The following TBL1X variants were observed in gnomAD, a reference collection of about 807,000 sequenced individuals.
TBL1X encodes transducin beta like 1 X-linked.
Under a neutral mutation model 50.7 loss-of-function variants are expected in TBL1X, and 10 were observed. The observed-to-expected ratio is 0.20, with a 90% confidence interval of 0.12 to 0.33. The LOEUF is 0.33. Ranked by LOEUF, TBL1X falls within the 10% of genes least tolerant of loss-of-function variation. The probability of loss-of-function intolerance (pLI) is 1.00; values close to 1 mark genes in which losing one functional copy is unlikely to be tolerated. For synonymous variants in TBL1X, 190 were observed against 214.7 expected (o/e 0.88, Z 1.01); for missense variants, 340 against 504.4 (o/e 0.67, Z 3.12).
chrX:9,638,475 C>A (rs1420935592), intron 2 of TBL1X, among the ~76,000 whole-genome samples: 1 of 111,899 alleles, frequency 8.9e-6, no homozygotes, highest in East Asian at 2.8e-4. Flanking sequence ...GTTTCATAAC[C>A]AGAAGAATGT....
At chrX:9,652,203 A>G (rs149953857) in intron 3 of TBL1X, among the ~76,000 whole-genome samples, 2 of 112,225 alleles carry the variant, frequency 1.8e-5, no homozygotes, top group African/African-American at 3.2e-5. Flanking sequence ...TGTGGTGTTA[A>G]TAATCACAGG....
intron 2 of TBL1X, among the ~76,000 whole-genome samples, chrX:9,575,628 G>A (rs1200221153): frequency 8.9e-6 from 1 of 111,818 alleles, no homozygotes; most frequent in Non-Finnish European, 1.9e-5. Flanking sequence ...GAATAGTGTT[G>A]TTGTGAACAT....
chrX:9,696,612 T>C (rs1328413327), intron 11 of TBL1X, among the ~76,000 whole-genome samples: 1 of 112,878 alleles, frequency 8.9e-6, no homozygotes, highest in Non-Finnish European at 1.9e-5. Flanking sequence ...CTGGCCCCAG[T>C]GCAAGCCAAT....
At chrX:9,667,090 C>G (rs1429112164) in intron 5 of TBL1X, among the ~76,000 whole-genome samples, 1 of 111,265 alleles carries the variant, frequency 9.0e-6, no homozygotes, top group Non-Finnish European at 1.9e-5. Flanking sequence ...GGTGAAACCT[C>G]GCCTCTACTA....
intron 2 of TBL1X, among the ~76,000 whole-genome samples, chrX:9,541,483 T>C (rs777585288): frequency 8.9e-6 from 1 of 112,327 alleles, no homozygotes; most frequent in South Asian, 3.6e-4. Context: ...AGGCTTGTCG[T>C]GCAGGAGCAG....
chrX:9,688,316 G>A (rs1418634265), intron 7 of TBL1X, 41 bp downstream of exon 7: 1 of 1,073,445 alleles, frequency 9.3e-7, no homozygotes, highest in East Asian at 3.3e-5. Flanking sequence ...GCCTCTCTGG[G>A]TTCATTGTTT....
At chrX:9,503,975 C>A (rs1270450770) in intron 2 of TBL1X, among the ~76,000 whole-genome samples, 3 of 112,049 alleles carry the variant, frequency 2.7e-5, no homozygotes, top group Non-Finnish European at 3.8e-5. Flanking sequence ...CCTGTGTCAC[C>A]CAACTGGGTG....
intron 9 of TBL1X, among the ~76,000 whole-genome samples, chrX:9,692,613 G>A (rs1395571811): frequency 1.8e-5 from 2 of 112,225 alleles, no homozygotes; most frequent in South Asian, 3.7e-4. Context: ...TCACCATGTC[G>A]GCCAGGCTGC....
At chrX:9,574,459 GAAAAAAAAAAAAAAA>G (rs376384853) in intron 2 of TBL1X, among the ~76,000 whole-genome samples, 3 of 30,121 alleles carry the variant, frequency 1.0e-4, no homozygotes, top group East Asian at 2.8e-3. Context: ...TGTCTCAAAT[GAAAAAAAAAAAAAAA>G]AAAAAAAAAA....
intron 5 of TBL1X, among the ~76,000 whole-genome samples, 166 bp downstream of exon 5, chrX:9,654,488 C>T (rs143778785): frequency 8.0e-4 from 90 of 111,894 alleles, no homozygotes; most frequent in African/African-American, 2.8e-3. Flanking sequence ...GTGCCATCCC[C>T]GGGTGGAAAG....
chrX:9,667,271 CA>C (rs901792178), intron 5 of TBL1X, among the ~76,000 whole-genome samples: 1 of 111,234 alleles, frequency 9.0e-6, no homozygotes, highest in South Asian at 3.8e-4. Flanking sequence ...CCCCTACCCC[CA>C]AAAAGAACAA....
At chrX:9,668,137 A>G (rs1045999523) in intron 5 of TBL1X, among the ~76,000 whole-genome samples, 11 of 111,453 alleles carry the variant, frequency 9.9e-5, no homozygotes, top group African/African-American at 3.6e-4. Flanking sequence ...GTTTCAGTGT[A>G]TGTTATCATT....
chrX:9,585,991 C>G (rs111544096), intron 2 of TBL1X, among the ~76,000 whole-genome samples: 3 of 111,782 alleles, frequency 2.7e-5, no homozygotes, highest in African/African-American at 9.8e-5. Flanking sequence ...AAAACCAACC[C>G]AAAAAATAGT....
intron 2 of TBL1X, among the ~76,000 whole-genome samples, chrX:9,546,859 C>T (rs1373388936): frequency 5.9e-4 from 49 of 82,959 alleles, no homozygotes; most frequent in African/African-American, 2.2e-3. Flanking sequence ...CGCTCTGTCG[C>T]CCAGGCTGGA....
chrX:9,696,532 T>G (rs930720680), intron 11 of TBL1X, among the ~76,000 whole-genome samples: 2 of 112,744 alleles, frequency 1.8e-5, no homozygotes, highest in African/African-American at 6.4e-5. Context: ...TCATAAAAAT[T>G]CGTGATTTCC....
chrX:9,685,247 G>T (rs2083050512), intron 6 of TBL1X, among the ~76,000 whole-genome samples: 1 of 111,643 alleles, frequency 9.0e-6, no homozygotes, highest in African/African-American at 3.3e-5. Context: ...CTTGACTTCT[G>T]GGGAATAATG....
intron 2 of TBL1X, among the ~76,000 whole-genome samples, chrX:9,537,247 G>C (rs576675499): frequency 2.6e-4 from 29 of 111,366 alleles, no homozygotes; most frequent in African/African-American, 7.8e-4. Context: ...TCTTGTTTGG[G>C]CATATTGAAA....
At chrX:9,507,667 C>T (rs956326637) in intron 2 of TBL1X, among the ~76,000 whole-genome samples, 8 of 112,075 alleles carry the variant, frequency 7.1e-5, no homozygotes, top group African/African-American at 2.3e-4. Flanking sequence ...AAGCTGGAGG[C>T]ATCATGCTAC....
chrX:9,551,376 C>T (rs1397744997), intron 2 of TBL1X, among the ~76,000 whole-genome samples: 1 of 110,863 alleles, frequency 9.0e-6, no homozygotes, highest in African/African-American at 3.3e-5. Flanking sequence ...AACACGTTCT[C>T]ATGCATTCTT....
Sources: gnomAD v4.1 joint callset for allele counts (sites outside exome capture counted in the v4.1 genomes callset) on GRCh38, gnomAD v4.1.1 for gene constraint, MANE v1.5 for transcripts, NCBI Gene and HGNC (gene_info 2026-07-23, HGNC 2026-07-21) for gene names.